The following COMMD5 variants were observed in gnomAD, a reference collection of about 807,000 sequenced individuals.
The protein encoded by COMMD5 is COMM domain containing 5.
Under a neutral mutation model 6.9 loss-of-function variants are expected in COMMD5, and 10 were observed. That is an observed-to-expected ratio of 1.44 (90% confidence interval 0.89 to 2.45). The LOEUF (loss-of-function observed/expected upper bound fraction) is 2.45. Ranked by LOEUF, COMMD5 falls within the 30% of genes most tolerant of loss-of-function variation. COMMD5 has a pLI of 0.00. For missense variants in COMMD5, 234 were observed against 287.8 expected (o/e 0.81, Z 1.35); for synonymous variants, 127 against 125.3 (o/e 1.01, Z -0.09).
exon 2 of COMMD5, chr8:144,841,492 G>C (rs1264989219): frequency 6.2e-7 from 1 of 1,614,060 alleles, no homozygotes; most frequent in Non-Finnish European, 8.5e-7. Context: ...TTCTGATTCT[G>C]AGGTCTGGTT....
chr8:144,841,300 TATC>T (rs1456425662), exon 2 of COMMD5: 18 of 1,525,904 alleles, frequency 1.2e-5, no homozygotes, highest in African/African-American at 1.4e-5. Flanking sequence ...TTTGTAGTCT[TATC>T]ATTTCTCTGA....
upstream of COMMD5, chr8:144,853,315 G>A (rs1275448550): frequency 2.0e-5 from 3 of 152,252 alleles, no homozygotes; most frequent in African/African-American, 7.2e-5. Flanking sequence ...CGCCCGCGCA[G>A]AGTGAGGGTA....
At chr8:144,849,616 C>A (rs2978390), downstream of COMMD5, among the ~76,000 whole-genome samples, 813 of 152,160 alleles carry the variant, frequency 5.3e-3, 5 homozygotes, top group African/African-American at 0.019. Context: ...GCCAGCTGAC[C>A]GAAAATGGCT....
Position 144,850,951 on chromosome 8 carries a change from C to A in COMMD5, c.388G>T (p.Val130Leu). ...QDLVGDLASV[V>L]FGSQRPLLDS... ...AGGAGGGGCCGCTGGCTCCCAAATA[C>A]CACGCTGGCCAAGTCCCCGACCAGG... The change falls in exon 2 of 2, where the codon GTA becomes TTA. Residue 130 changes from valine to leucine, a missense_variant. Val to Leu is a conservative substitution (Grantham distance 32). Transcript: ENST00000305103. This position sits in a 1 kb window ranked among gnomAD's most constrained non-coding sequence, Gnocchi z 4.0. 1.2e-6 allele frequency: 2 copies of A among 1,608,916 alleles called. No homozygotes were observed. Among genetic ancestry groups the A allele is most frequent in the Non-Finnish European group, 1.7e-6 (2 of 1,178,268 alleles).
chr8:144,841,957 G>A (rs1829980758), intron 1 of COMMD5: 1 of 1,614,168 alleles, frequency 6.2e-7, no homozygotes, highest in Non-Finnish European at 8.5e-7. Context: ...CACTGAGTGT[G>A]GAAAAGCCTT....
chr8:144,848,046 A>G (rs930927575), downstream of COMMD5, among the ~76,000 whole-genome samples: 2 of 152,214 alleles, frequency 1.3e-5, no homozygotes, highest in African/African-American at 4.8e-5. Context: ...TTTGTGACAC[A>G]TGAAATTAAA....
chr8:144,841,376 A>G (rs1373990455), exon 2 of COMMD5: 1 of 1,605,686 alleles, frequency 6.2e-7, no homozygotes. Flanking sequence ...AGGACTGAAA[A>G]TGAGCAGGCC....
chr8:144,845,930 C>A, downstream of COMMD5: 1 of 1,516,306 alleles, frequency 6.6e-7, no homozygotes, highest in South Asian at 1.2e-5. Flanking sequence ...GCCAGGTGGT[C>A]ACCTTCAGGT....
chr8:144,841,490 C>G, exon 2 of COMMD5: 4 of 1,614,158 alleles, frequency 2.5e-6, no homozygotes, highest in Non-Finnish European at 3.4e-6. Flanking sequence ...GTTTCTGATT[C>G]TGAGGTCTGG....
At chr8:144,847,471 T>C (rs1349484031), downstream of COMMD5, 1 of 152,112 alleles carries the variant, frequency 6.6e-6, no homozygotes, top group African/African-American at 2.4e-5. Flanking sequence ...ACATTTTGGG[T>C]TTCTGTTTTG....
intron 1 of COMMD5, chr8:144,842,346 T>G (rs771170422): frequency 5.6e-6 from 9 of 1,614,010 alleles, no homozygotes; most frequent in Non-Finnish European, 7.6e-6. Flanking sequence ...AGAAACCATT[T>G]AAGTGTGATG....
intron 1 of COMMD5, among the ~76,000 whole-genome samples, chr8:144,844,216 G>A (rs1357815305): frequency 6.6e-6 from 1 of 152,160 alleles, no homozygotes; most frequent in African/African-American, 2.4e-5. Flanking sequence ...ACAATGTAGA[G>A]AAACATGCCT....
intron 1 of COMMD5, chr8:144,843,460 C>T (rs549963232): frequency 2.8e-4 from 68 of 238,708 alleles, no homozygotes; most frequent in Middle Eastern, 1.4e-3. Context: ...TGGTGGCAGG[C>T]ACCTGTGGTC....
chr8:144,850,847 G>A lies in COMMD5; in HGVS notation c.492C>T (p.Ser164=). The part of the protein sequence containing the change: ...DFRWRVDVAI[S]TSALARSLQP... ...GCAGGGAGCGAGCCAGGGCACTGGT[G>A]GAGATTGCTACATCCACCCGCCACC... The change falls in exon 2 of 2, where the codon TCC becomes TCT. Residue 164 remains serine (S), a synonymous_variant. Coordinates refer to ENST00000305103, the MANE Select transcript of COMMD5 (RefSeq NM_014066.4). This position sits in a 1 kb window ranked among gnomAD's most constrained non-coding sequence, Gnocchi z 4.0. The A allele has an allele frequency of 6.2e-7, 1 of 1,613,684 alleles. No individual in the cohort carries two copies. Among genetic ancestry groups the A allele is most frequent in the South Asian group, 1.1e-5 (1 of 91,062 alleles).
downstream of COMMD5, chr8:144,841,018 A>G (rs1829831020): frequency 4.1e-6 from 1 of 244,094 alleles, no homozygotes; most frequent in Non-Finnish European, 7.9e-6. Flanking sequence ...AATCCGTGGT[A>G]GCTTCCCACC....
Position 144,841,857 on chromosome 8 carries a change from C to T in COMMD5, c.*117-114G>A, listed in dbSNP as rs376157890. ...ATAACTGCCATGGAGAGAAGCCGTA[C>T]GAATGTGCAGAGTGTGGGAAAGTCT... On this transcript the variant is annotated intron_variant and NMD_transcript_variant, in intron 1 of 1. Transcript: ENST00000530332. 85 of 1,613,930 alleles carry T rather than the reference C, an allele frequency of 5.3e-5. No homozygotes were observed. In the East Asian group the frequency reaches 7.6e-4, roughly 14 times the overall value.
In COMMD5 at chr8:144,842,698, G is replaced by A. The variant is rs747568869; in HGVS notation, c.*117-955C>T. The A allele has an allele frequency of 7.4e-6, 12 of 1,614,082 alleles. No individual in the cohort carries two copies. The highest frequency in any genetic ancestry group is 4.4e-5 in the South Asian group (4 of 91,080). ...GAAGCCCTACGAATGCCTCCAATGC[G>A]GAAAAGCCTTCAGTATGAGCACACA... is the stretch of plus-strand genomic sequence containing the variant. On this transcript the variant is annotated intron_variant and NMD_transcript_variant, in intron 1 of 1. Coordinates refer to the COMMD5 transcript ENST00000530332.
upstream of COMMD5, chr8:144,853,067 G>A (rs962107716): frequency 3.3e-5 from 5 of 152,226 alleles, no homozygotes; most frequent in Admixed American, 2.0e-4. Context: ...AGCCACTTCC[G>A]GGCCGCTCTA....
downstream of COMMD5, chr8:144,846,269 C>T: frequency 7.9e-7 from 1 of 1,272,308 alleles, no homozygotes; most frequent in Non-Finnish European, 1.1e-6. Context: ...CTTCATTCTG[C>T]TTCAGCACCT....
Sources: gnomAD v4.1 joint callset for allele counts (sites outside exome capture counted in the v4.1 genomes callset) on GRCh38, gnomAD v4.1.1 for gene constraint, Gnocchi (gnomAD v3.1) non-coding constraint, MANE v1.5 for transcripts, NCBI Gene and HGNC (gene_info 2026-07-23, HGNC 2026-07-21) for gene names.